The following GRID2 variants were observed in gnomAD, a reference collection of about 807,000 sequenced individuals.
The protein encoded by GRID2 is glutamate ionotropic receptor delta type subunit 2, also known as glutamate receptor ionotropic, delta-2.
GRID2 carries 33 observed loss-of-function variants against 114.8 expected under a neutral mutation model. The ratio of observed to expected loss-of-function variants is 0.29; its 90% CI spans 0.22 to 0.38. The LOEUF (loss-of-function observed/expected upper bound fraction) is 0.38, where lower values mean the gene tolerates loss of function less well. Among genes scored for constraint, GRID2 ranks in the 10% least tolerant of loss-of-function variants. The pLI is 1.00. For synonymous variants in GRID2, 505 were observed against 449.9 expected, an observed-to-expected ratio of 1.12 and a Z score of -1.55; for missense variants, 1,184 against 1,257.7, an observed-to-expected ratio of 0.94 and a Z score of 0.89.
chr4:93,315,498 A>G (rs2149197072), intron 8 of GRID2, among the ~76,000 whole-genome samples: 1 of 152,054 alleles, frequency 6.6e-6, no homozygotes, highest in South Asian at 2.1e-4. Context: ...TTTTTGTAGC[A>G]CTTATCACAA....
chr4:93,323,204 A>G (rs1291507799), intron 8 of GRID2, among the ~76,000 whole-genome samples: 1 of 152,162 alleles, frequency 6.6e-6, no homozygotes, highest in Non-Finnish European at 1.5e-5. Flanking sequence ...TCTTTGATCC[A>G]TCTTGAATTA....
At chr4:92,645,679 G>C (rs938524050) in intron 2 of GRID2, among the ~76,000 whole-genome samples, 1 of 151,532 alleles carries the variant, frequency 6.6e-6, no homozygotes, top group East Asian at 1.9e-4. Flanking sequence ...CCCCATGAGC[G>C]ACCACTATGA....
intron 2 of GRID2, among the ~76,000 whole-genome samples, chr4:93,042,293 C>CTA (rs1328403469): frequency 3.2e-4 from 28 of 86,512 alleles, no homozygotes; most frequent in African/African-American, 9.8e-4. Flanking sequence ...CTCTCTCTCT[C>CTA]TCTCTCTATA....
chr4:93,559,506 A>G (rs1264253366), intron 13 of GRID2, among the ~76,000 whole-genome samples: 1 of 152,226 alleles, frequency 6.6e-6, no homozygotes. Flanking sequence ...CATTGGAGAA[A>G]TGCAAATCAA....
chr4:93,466,674 T>A (rs373802938), intron 11 of GRID2, among the ~76,000 whole-genome samples: 1 of 152,312 alleles, frequency 6.6e-6, no homozygotes, highest in Non-Finnish European at 1.5e-5. Context: ...GATGACAAGC[T>A]GCTTCTGCCC....
chr4:92,470,759 G>T (rs1036698060), intron 1 of GRID2, among the ~76,000 whole-genome samples: 1 of 151,894 alleles, frequency 6.6e-6, no homozygotes, highest in African/African-American at 2.4e-5. Context: ...GTGCCCACTA[G>T]GTGAACATTA....
At chr4:92,450,710 T>A (rs905852526) in intron 1 of GRID2, among the ~76,000 whole-genome samples, 4 of 151,822 alleles carry the variant, frequency 2.6e-5, no homozygotes, top group African/African-American at 9.7e-5. Context: ...GGTACTTTTC[T>A]GAATAACCTC....
intron 8 of GRID2, among the ~76,000 whole-genome samples, chr4:93,361,435 G>A (rs1399523768): frequency 6.6e-6 from 1 of 151,238 alleles, no homozygotes; most frequent in Admixed American, 6.6e-5. Context: ...CTACAAATGA[G>A]CCCATCAAAG....
chr4:93,463,183 AT>A (rs1157867509), intron 11 of GRID2, among the ~76,000 whole-genome samples: 1 of 152,120 alleles, frequency 6.6e-6, no homozygotes, highest in Non-Finnish European at 1.5e-5. Context: ...TTATCGCACA[AT>A]TCTTCACAAC....
Position 92,954,364 on chromosome 4 carries a change from T to C in GRID2, c.245-130631T>C, listed in dbSNP as rs532059590. Reference sequence around the variant, plus strand: ...TACTGTCATGACCTTAGAAATGAAGTAGGTAGACTGGGGGATCTTGGGATA... The same window carrying C: ...TACTGTCATGACCTTAGAAATGAAGCAGGTAGACTGGGGGATCTTGGGATA... On this transcript the variant is annotated intron_variant, in intron 2 of 15. Transcript: ENST00000282020. Among the ~76,000 whole-genome samples, 4 of 152,274 alleles carry C rather than the reference T, an allele frequency of 2.6e-5. No homozygotes were observed. The East Asian group carries it at 7.7e-4, about 29-fold the overall frequency.
chr4:93,148,211 C>A (rs998844386), intron 4 of GRID2, among the ~76,000 whole-genome samples: 2 of 152,152 alleles, frequency 1.3e-5, no homozygotes, highest in African/African-American at 4.8e-5. Context: ...CTGACATCTG[C>A]CATATGCCTC....
At chr4:92,518,908 GAAAT>G (rs1724638893) in intron 1 of GRID2, among the ~76,000 whole-genome samples, 1 of 151,598 alleles carries the variant, frequency 6.6e-6, no homozygotes, top group Admixed American at 6.6e-5. Context: ...GATCAGTTTT[GAAAT>G]AAATAGCCTA....
chr4:93,121,558 T>C (rs1045051593), intron 4 of GRID2, among the ~76,000 whole-genome samples: 2 of 152,226 alleles, frequency 1.3e-5, no homozygotes, highest in Non-Finnish European at 2.9e-5. Context: ...TATATACTTC[T>C]GTTGATGATT....
At chr4:92,311,830 T>C (rs1178877966) in intron 1 of GRID2, among the ~76,000 whole-genome samples, 1 of 152,102 alleles carries the variant, frequency 6.6e-6, no homozygotes, top group Non-Finnish European at 1.5e-5. Flanking sequence ...GTATGAAGCA[T>C]TGCTTTTAGT....
intron 1 of GRID2, among the ~76,000 whole-genome samples, chr4:92,498,928 TAAA>T (rs11303897): frequency 0.055 from 7,574 of 137,684 alleles, 233 homozygotes; most frequent in East Asian, 0.088. Context: ...CTTATTTAGG[TAAA>T]AAAAAAAAAA....
At chr4:93,060,738 T>C (rs1727706326) in intron 2 of GRID2, among the ~76,000 whole-genome samples, 1 of 152,174 alleles carries the variant, frequency 6.6e-6, no homozygotes, top group Admixed American at 6.6e-5. Flanking sequence ...TTTACAAAAT[T>C]TTGCAGAAGC....
At chr4:93,492,413 G>A (rs2149462074) in intron 12 of GRID2, among the ~76,000 whole-genome samples, 1 of 151,932 alleles carries the variant, frequency 6.6e-6, no homozygotes, top group East Asian at 2.0e-4. Context: ...TCTGGTTCCT[G>A]AGCCTACATT....
intron 2 of GRID2, among the ~76,000 whole-genome samples, chr4:92,749,751 T>C (rs1456934137): frequency 6.6e-6 from 1 of 152,112 alleles, no homozygotes; most frequent in African/African-American, 2.4e-5. Context: ...AGGGGTTGTT[T>C]AATGGGTACA....
At chr4:93,737,782 T>C (rs866301944) in intron 14 of GRID2, among the ~76,000 whole-genome samples, 18 of 152,220 alleles carry the variant, frequency 1.2e-4, no homozygotes, top group Middle Eastern at 6.8e-3. Flanking sequence ...TATATACAGA[T>C]ATAGTCAAGT....
Sources: allele counts gnomAD v4.1 joint callset (sites outside exome capture counted in the v4.1 genomes callset), GRCh38; gene constraint gnomAD v4.1.1; transcripts MANE v1.5; gene names NCBI Gene and HGNC (gene_info 2026-07-23, HGNC 2026-07-21).